The following NFKB1 variants were observed in gnomAD, a reference collection of about 807,000 sequenced individuals.
NFKB1 encodes the protein nuclear factor kappa B subunit 1, also known as nuclear factor NF-kappa-B p105 subunit.
NFKB1 carries 9 observed loss-of-function variants against 105.1 expected under a neutral mutation model. The ratio of observed to expected loss-of-function variants is 0.09; its 90% confidence interval spans 0.05 to 0.15. NFKB1 has a LOEUF of 0.15. NFKB1 is among the 10% of genes least tolerant of loss of function. NFKB1 has a pLI of 1.00. For synonymous variants in NFKB1, 440 were observed against 442.2 expected, an observed-to-expected ratio of 1.00 and a Z score of 0.06; for missense variants, 830 against 1,203.7, an observed-to-expected ratio of 0.69 and a Z score of 4.59.
intron 1 of NFKB1, among the ~76,000 whole-genome samples, chr4:102,506,121 T>C (rs1041832717): frequency 2.0e-5 from 3 of 152,162 alleles, no homozygotes; most frequent in Non-Finnish European, 4.4e-5. Context: ...TGCCTTTTAG[T>C]TTCAAAGTTT....
intron 8 of NFKB1, among the ~76,000 whole-genome samples, chr4:102,579,626 G>A (rs1344384727): frequency 1.0e-5 from 1 of 95,776 alleles, no homozygotes; most frequent in East Asian, 2.6e-4. Context: ...AACATAATGA[G>A]ACCCCATCTC....
At chr4:102,545,316 G>A (rs1213885928) in intron 5 of NFKB1, among the ~76,000 whole-genome samples, 1 of 152,124 alleles carries the variant, frequency 6.6e-6, no homozygotes, top group Non-Finnish European at 1.5e-5. Flanking sequence ...GGGCTGGAAA[G>A]TGCTTGCAGA....
intron 13 of NFKB1, 129 bp downstream of exon 13, chr4:102,595,110 TAAG>T (rs1045324011): frequency 5.3e-6 from 3 of 569,986 alleles, no homozygotes; most frequent in South Asian, 5.4e-5. Context: ...GCAAATAAAC[TAAG>T]AAGATACTTT....
intron 1 of NFKB1, among the ~76,000 whole-genome samples, chr4:102,502,517 G>C (rs575114954): frequency 6.6e-6 from 1 of 152,146 alleles, no homozygotes; most frequent in African/African-American, 2.4e-5. Flanking sequence ...GATACTTAGA[G>C]CACTTTTTAG....
intron 11 of NFKB1, among the ~76,000 whole-genome samples, chr4:102,591,304 C>T (rs1191540936): frequency 6.6e-6 from 1 of 151,438 alleles, no homozygotes; most frequent in African/African-American, 2.4e-5. Context: ...TAAAAACAGG[C>T]TGACTCTCAG....
chr4:102,578,372 G>A (rs1170495764), intron 7 of NFKB1: 1 of 155,802 alleles, frequency 6.4e-6, no homozygotes, highest in African/African-American at 2.4e-5. Flanking sequence ...TCCAGCAGGA[G>A]GGAAGGAAAC....
In NFKB1 at chr4:102,573,406, C is replaced by G. The variant is rs565389661; in HGVS notation, c.408-3470C>G. Among the ~76,000 whole-genome samples the G allele has an allele frequency of 2.2e-3, 332 of 152,238 alleles. 2 individuals are homozygous for G. Among genetic ancestry groups the G allele is most frequent in the African/African-American group, 7.6e-3 (317 of 41,538 alleles). ...ATTTGCCTTGTTTCCAAGAAGTCACCTGTCAATCTAATCTTTGTTCCTCTG... is the reference window on the plus strand; with the variant it reads ...ATTTGCCTTGTTTCCAAGAAGTCACGTGTCAATCTAATCTTTGTTCCTCTG... On this transcript the variant is annotated intron_variant, in intron 6 of 23. Coordinates refer to ENST00000226574, the MANE Select transcript of NFKB1 (RefSeq NM_003998.4).
intron 2 of NFKB1, among the ~76,000 whole-genome samples, chr4:102,529,243 C>G (rs1401800551): frequency 6.6e-6 from 1 of 152,068 alleles, no homozygotes; most frequent in Non-Finnish European, 1.5e-5. Context: ...TTGTGTTATG[C>G]TAGGAAACTG....
chr4:102,539,067 T>C (rs1329117826), intron 5 of NFKB1, among the ~76,000 whole-genome samples: 2 of 151,770 alleles, frequency 1.3e-5, no homozygotes, highest in East Asian at 3.9e-4. Flanking sequence ...TGAAACCCCA[T>C]CTCTACTAAA....
At chr4:102,533,226 G>A (rs538627391) in intron 3 of NFKB1, among the ~76,000 whole-genome samples, 2 of 152,190 alleles carry the variant, frequency 1.3e-5, no homozygotes, top group South Asian at 4.1e-4. Context: ...GGAGTGTCGG[G>A]GAGGAAAGGG....
chr4:102,559,759 T>C (rs1723249135), intron 5 of NFKB1, among the ~76,000 whole-genome samples: 1 of 151,028 alleles, frequency 6.6e-6, no homozygotes, highest in African/African-American at 2.4e-5. Context: ...CCGGGCAACA[T>C]AGTGAGACTC....
intron 6 of NFKB1, among the ~76,000 whole-genome samples, chr4:102,575,031 A>C (rs1578782503): frequency 6.6e-6 from 1 of 152,350 alleles, no homozygotes; most frequent in Admixed American, 6.5e-5. Flanking sequence ...TAAGGCTGAA[A>C]GGGCCAAAAG....
In NFKB1 at chr4:102,594,944, T is replaced by G. The variant is rs1226729977; in HGVS notation, c.1263T>G (p.His421Gln). The G allele has an allele frequency of 6.2e-7, 1 of 1,611,616 alleles. No homozygotes were observed. Among genetic ancestry groups the G allele is most frequent in the South Asian group, 1.1e-5 (1 of 90,776 alleles). ...GFPTYGGITF[H>Q]PGTTKSNAGM... The stretch of plus-strand genomic sequence containing the variant: ...CTACTTATGGTGGGATTACTTTCCA[T>G]CCTGGAACTACTAAATCTAATGCTG... Residue 421 changes from histidine to glutamine, a missense_variant, in exon 13 of 24, where the codon CAT becomes CAG. Transcript: ENST00000226574.
intron 5 of NFKB1, among the ~76,000 whole-genome samples, chr4:102,550,141 G>A (rs1401485426): frequency 2.0e-5 from 3 of 151,826 alleles, no homozygotes; most frequent in African/African-American, 7.3e-5. Context: ...TGTACTATAA[G>A]CCATTCCTGT....
At chr4:102,546,437 C>A (rs182085149) in intron 5 of NFKB1, among the ~76,000 whole-genome samples, 2 of 152,098 alleles carry the variant, frequency 1.3e-5, no homozygotes, top group Non-Finnish European at 2.9e-5. Flanking sequence ...CGATTTTATT[C>A]CATTTCCAAA....
rs768572248 is a variant in NFKB1, at chr4:102,596,291, C to T, written c.1454C>T (p.Thr485Met). 8.7e-6 allele frequency: 14 copies of T among 1,612,276 alleles called. No individual in the cohort carries two copies. Among genetic ancestry groups the T allele is most frequent in the African/African-American group, 2.7e-5 (2 of 74,886 alleles). ...GTTGGGAATGGTGAGGTCACTCTAA[C>T]GTATGCAACAGGAACAAAAGAAGAG... ...ATVGNGEVTLTYATGTKEESA... is the reference protein window; with the variant it reads ...ATVGNGEVTLMYATGTKEESA... Residue 485 changes from threonine to methionine, a missense_variant, in exon 14 of 24, where the codon ACG (threonine) becomes ATG (methionine). By Grantham distance (81) the Thr-to-Met change is moderately conservative. Transcript: ENST00000226574.
In NFKB1 at chr4:102,567,133, C is replaced by T. The variant is rs1410746645; in HGVS notation, c.405C>T (p.Val135=). Residue 135 remains valine (V), a splice_region_variant and synonymous_variant, in exon 6 of 24, where the codon GTC becomes GTT. Transcript: ENST00000226574. ...CTGCTGGACCCAAGGACATGGTGGT[C>T]GGGTAAGTAGGGGTATATGATGCTG... ...TVTAGPKDMV[V]GFANLGILHV... The T allele has an allele frequency of 5.6e-6, 9 of 1,613,002 alleles. No homozygotes were observed. Among genetic ancestry groups the T allele is most frequent in the East Asian group, 4.5e-5 (2 of 44,860 alleles).
In NFKB1 at chr4:102,517,037, G is replaced by T. The variant is rs77631684; in HGVS notation, c.-7-8475G>T. Reference sequence around the variant, plus strand: ...TTTCCATTTAGCTCTTAGATGCCCAGAAACTGTTTTCTATTAGGTTTTGCA... The same window carrying T: ...TTTCCATTTAGCTCTTAGATGCCCATAAACTGTTTTCTATTAGGTTTTGCA... On this transcript the variant is annotated intron_variant, in intron 1 of 23. Transcript: ENST00000226574. Among the ~76,000 whole-genome samples the T allele has an allele frequency of 7.4e-3, 1,125 of 152,286 alleles. 15 individuals are homozygous for T. Among genetic ancestry groups the T allele is most frequent in the African/African-American group, 0.026 (1,088 of 41,564 alleles).
rs1468899754 is a variant in NFKB1, at chr4:102,597,649, A to G, written c.1625A>G (p.Glu542Gly). The change falls in exon 15 of 24, where the codon GAG becomes GGG. Residue 542 changes from glutamate (E) to glycine (G), a missense_variant. This residue lies in a region of NFKB1 where 418 missense variants were observed against 575.3 expected (regional missense o/e 0.73). Transcript: ENST00000226574. ...VQRHLTAVQD[E>G]NGDSVLHLAI... is the part of the protein sequence containing the mutation. ...CGCCATCTCACTGCTGTGCAGGATG[A>G]GAATGGGGACAGGTAAGTCAGAACT... 1 of 1,612,546 alleles carries G rather than the reference A, an allele frequency of 6.2e-7. No individual in the cohort carries two copies. The highest frequency in any genetic ancestry group is 2.2e-5 in the East Asian group (1 of 44,846).
Sources: gnomAD v4.1 joint callset for allele counts (sites outside exome capture counted in the v4.1 genomes callset) on GRCh38, gnomAD v4.1.1 for gene constraint, gnomAD v4.1.1 regional missense constraint, MANE v1.5 for transcripts, NCBI Gene and HGNC (gene_info 2026-07-23, HGNC 2026-07-21) for gene names.